Variants in SUGCT observed in about 807,000 individuals in gnomAD.
The protein encoded by SUGCT is succinyl-CoA:glutarate-CoA transferase, also known as succinyl-CoA:glutarate CoA-transferase.
A neutral mutation model predicts 55.0 loss-of-function variants in SUGCT; 41 were observed. The observed-to-expected ratio is 0.74, with a 90% CI of 0.58 to 0.97. The LOEUF (loss-of-function observed/expected upper bound fraction) is 0.97, where lower values mean the gene tolerates loss of function less well. Ranked by LOEUF, SUGCT falls within the 50% of genes least tolerant of loss-of-function variation. SUGCT has a pLI of 0.00. For synonymous variants in SUGCT, 187 were observed against 200.4 expected (o/e 0.93, Z 0.56); for missense variants, 568 against 547.8 (o/e 1.04, Z -0.37).
chr7:40,500,659 A>G (rs1199858976), intron 12 of SUGCT, among the ~76,000 whole-genome samples: 2 of 152,216 alleles, frequency 1.3e-5, no homozygotes, highest in Admixed American at 6.5e-5. Context: ...GTCTGTTTTC[A>G]TCTCATTATT....
At chr7:40,899,472 C>T in the SUGCT span, among the ~76,000 whole-genome samples, 1 of 152,124 alleles carries the variant, frequency 6.6e-6, no homozygotes, top group Non-Finnish European at 1.5e-5. Context: ...AAAAGACACG[C>T]GACTCAAGAG....
At chr7:40,153,114 A>G (rs1037499391) in intron 1 of SUGCT, 3 of 208,118 alleles carry the variant, frequency 1.4e-5, no homozygotes, top group Non-Finnish European at 2.9e-5. Context: ...GTCCAAACAG[A>G]TGAAAGAGAT....
At chr7:40,634,731 CATT>C (rs1443980943) in intron 12 of SUGCT, among the ~76,000 whole-genome samples, 2 of 152,180 alleles carry the variant, frequency 1.3e-5, no homozygotes. Context: ...AGGAAATAGA[CATT>C]ATCATGCATT....
intron 13 of SUGCT, among the ~76,000 whole-genome samples, chr7:40,847,959 G>C (rs563419519): frequency 6.6e-6 from 1 of 152,264 alleles, no homozygotes; most frequent in East Asian, 1.9e-4. Flanking sequence ...AAGGTAAAAG[G>C]CCTTGGGCAT....
chr7:40,697,699 A>G (rs1429626503), intron 12 of SUGCT, among the ~76,000 whole-genome samples: 1 of 152,186 alleles, frequency 6.6e-6, no homozygotes, highest in Non-Finnish European at 1.5e-5. Flanking sequence ...ATTCAGTTTC[A>G]TTTAACTACC....
At chr7:40,139,820 A>G (rs1041159238) in intron 1 of SUGCT, among the ~76,000 whole-genome samples, 4 of 152,128 alleles carry the variant, frequency 2.6e-5, no homozygotes, top group African/African-American at 9.7e-5. Flanking sequence ...CAATGTCTAG[A>G]AGAGTTTCCC....
At chr7:40,407,801 A>T (rs993433169) in intron 9 of SUGCT, among the ~76,000 whole-genome samples, 1 of 152,102 alleles carries the variant, frequency 6.6e-6, no homozygotes, top group Non-Finnish European at 1.5e-5. Context: ...TCTAAACGAG[A>T]CTATCTTAGC....
At chr7:41,019,070 T>C in the SUGCT span, among the ~76,000 whole-genome samples, 7 of 152,158 alleles carry the variant, frequency 4.6e-5, no homozygotes, top group East Asian at 1.4e-3. Flanking sequence ...CATGCCCAGC[T>C]AATTTTTGTA....
At chr7:41,001,729 C>T in the SUGCT span, among the ~76,000 whole-genome samples, 2 of 152,164 alleles carry the variant, frequency 1.3e-5, no homozygotes, top group Middle Eastern at 3.2e-3. Context: ...ATAAGGGCTC[C>T]ACCCTCATGA....
At chr7:41,007,518 G>A in the SUGCT span, among the ~76,000 whole-genome samples, 8 of 152,258 alleles carry the variant, frequency 5.3e-5, no homozygotes, top group East Asian at 1.5e-3. Context: ...ATATCACCCA[G>A]GGAACCGGAT....
chr7:41,007,226 T>A, the SUGCT span, among the ~76,000 whole-genome samples: 11 of 152,134 alleles, frequency 7.2e-5, no homozygotes, highest in Admixed American at 2.0e-4. Context: ...AAACAAAGGA[T>A]GGGTCTCCTT....
intron 12 of SUGCT, among the ~76,000 whole-genome samples, chr7:40,560,078 T>G (rs1795755801): frequency 6.6e-6 from 1 of 152,216 alleles, no homozygotes; most frequent in African/African-American, 2.4e-5. Flanking sequence ...AAATATCTTG[T>G]TACTAGTGGT....
At chr7:40,408,195 C>T (rs1786484933) in intron 9 of SUGCT, among the ~76,000 whole-genome samples, 1 of 152,116 alleles carries the variant, frequency 6.6e-6, no homozygotes, top group Non-Finnish European at 1.5e-5. Context: ...ATGTATAATG[C>T]ATATATGTGC....
At chr7:40,925,311 A>G in the SUGCT span, among the ~76,000 whole-genome samples, 303 of 152,314 alleles carry the variant, frequency 2.0e-3, 4 homozygotes, top group Admixed American at 0.014. Context: ...CCCCATGTAA[A>G]GACTGGTTTC....
intron 11 of SUGCT, among the ~76,000 whole-genome samples, chr7:40,489,351 T>A (rs1449769844): frequency 1.3e-5 from 2 of 152,148 alleles, no homozygotes. Flanking sequence ...TATTTGTTTC[T>A]CTGTATTTTC....
chr7:40,606,957 C>T (rs1235886267), intron 12 of SUGCT, among the ~76,000 whole-genome samples: 1 of 152,084 alleles, frequency 6.6e-6, no homozygotes, highest in Non-Finnish European at 1.5e-5. Context: ...TATTCATATG[C>T]ATAATTTGAT....
In SUGCT at chr7:40,194,937, CA is replaced by C. The variant is rs1451922456; in HGVS notation, c.364-2del. Reference sequence around the variant, plus strand: ...TCTGACTCATGTTCACCTCTTCCATCAGCTTGCAGCTGTTTGTGATGTGTTT... The same window carrying C: ...TCTGACTCATGTTCACCTCTTCCATCGCTTGCAGCTGTTTGTGATGTGTTT... On this transcript the variant is annotated splice_acceptor_variant, in intron 5 of 13. Transcript: ENST00000335693. LOFTEE classifies it high-confidence loss of function. 3.1e-6 allele frequency: 5 copies of C among 1,611,824 alleles called. No homozygotes were observed. The highest frequency in any genetic ancestry group is 3.4e-6 in the Non-Finnish European group (4 of 1,179,162).
intron 11 of SUGCT, among the ~76,000 whole-genome samples, chr7:40,479,833 A>G (rs989794518): frequency 6.6e-6 from 1 of 152,040 alleles, no homozygotes; most frequent in East Asian, 1.9e-4. Flanking sequence ...TGAAATGCCT[A>G]TTTAAGTCCT....
At chr7:40,515,973 A>T (rs1793208089) in intron 12 of SUGCT, among the ~76,000 whole-genome samples, 1 of 152,188 alleles carries the variant, frequency 6.6e-6, no homozygotes, top group African/African-American at 2.4e-5. Context: ...AACTTTGCCA[A>T]CACTTCTTTA....
Sources: allele counts gnomAD v4.1 joint callset (sites outside exome capture counted in the v4.1 genomes callset), GRCh38; gene constraint gnomAD v4.1.1; transcripts MANE v1.5; gene names NCBI Gene and HGNC (gene_info 2026-07-23, HGNC 2026-07-21).